EEIG1: variants seen among roughly 807,000 people sequenced by gnomAD.
The protein encoded by EEIG1 is early estrogen-induced gene 1 protein.
chr9:127,963,909 G>A, the EEIG1 span, among the ~76,000 whole-genome samples: 1 of 152,234 alleles, frequency 6.6e-6, no homozygotes, highest in Non-Finnish European at 1.5e-5. Flanking sequence ...GGAGCTACAA[G>A]GGCGGTGAAC....
chr9:127,967,432 T>C, the EEIG1 span, among the ~76,000 whole-genome samples: 1 of 152,216 alleles, frequency 6.6e-6, no homozygotes. Context: ...CAAGGTCTAC[T>C]GGCCGGGAGA....
chr9:127,978,438 G>A, the EEIG1 span, among the ~76,000 whole-genome samples: 4 of 152,304 alleles, frequency 2.6e-5, no homozygotes, highest in South Asian at 8.3e-4. Flanking sequence ...CCCACAAGGA[G>A]GCCCAGGGAG....
chr9:127,969,224 C>T, the EEIG1 span, among the ~76,000 whole-genome samples: 1 of 152,226 alleles, frequency 6.6e-6, no homozygotes, highest in Admixed American at 6.5e-5. Context: ...CAGCACTCCT[C>T]TGAGAGACGA....
chr9:127,979,254 T>C, the EEIG1 span, among the ~76,000 whole-genome samples: 1 of 152,128 alleles, frequency 6.6e-6, no homozygotes, highest in East Asian at 1.9e-4. Context: ...CTCCCATCTG[T>C]AGAAGTCCAA....
chr9:127,943,512 C>A, the EEIG1 span: 1 of 494,004 alleles, frequency 2.0e-6, no homozygotes, highest in Admixed American at 3.4e-5. Context: ...GTCACTGCAT[C>A]CTGCCCCACT....
chr9:127,951,016 G>A, the EEIG1 span, among the ~76,000 whole-genome samples: 10 of 152,312 alleles, frequency 6.6e-5, no homozygotes, highest in Non-Finnish European at 8.8e-5. Flanking sequence ...CAGGGAAGGC[G>A]CCCTGGTAGA....
chr9:127,959,511 C>A, the EEIG1 span, among the ~76,000 whole-genome samples: 1 of 152,132 alleles, frequency 6.6e-6, no homozygotes, highest in African/African-American at 2.4e-5. Flanking sequence ...GCTCTGTGTC[C>A]TCACCCAAAT....
the EEIG1 span, among the ~76,000 whole-genome samples, chr9:127,956,654 G>GC: frequency 7.9e-5 from 12 of 151,874 alleles, no homozygotes; most frequent in African/African-American, 1.2e-4. Flanking sequence ...CAGGTGATCT[G>GC]CCCCCCTTGG....
chr9:127,974,444 T>C, the EEIG1 span, among the ~76,000 whole-genome samples: 1 of 152,170 alleles, frequency 6.6e-6, no homozygotes. Context: ...GGCCAGGGGC[T>C]TCTATGCCAA....
chr9:127,961,008 C>T, the EEIG1 span, among the ~76,000 whole-genome samples: 1 of 152,152 alleles, frequency 6.6e-6, no homozygotes, highest in African/African-American at 2.4e-5. Flanking sequence ...GCAGCGGCCA[C>T]CTCCTGAGGG....
chr9:127,948,029 G>C, the EEIG1 span: 2 of 1,581,900 alleles, frequency 1.3e-6, no homozygotes, highest in South Asian at 1.1e-5. Context: ...TAAACCCCTC[G>C]GGCCGCTAGC....
chr9:127,975,288 G>A, the EEIG1 span, among the ~76,000 whole-genome samples: 1 of 152,200 alleles, frequency 6.6e-6, no homozygotes, highest in African/African-American at 2.4e-5. Context: ...CCGTGCCATG[G>A]AAGGCAGGCA....
At chr9:127,954,651 T>C in the EEIG1 span, among the ~76,000 whole-genome samples, 1 of 151,962 alleles carries the variant, frequency 6.6e-6, no homozygotes, top group Admixed American at 6.6e-5. Flanking sequence ...ATCAGCTCAA[T>C]CCCCAGTCAA....
the EEIG1 span, among the ~76,000 whole-genome samples, chr9:127,975,463 C>G: frequency 6.6e-6 from 1 of 152,128 alleles, no homozygotes; most frequent in Admixed American, 6.5e-5. Flanking sequence ...CACAAGAGGA[C>G]CCCAGAAGGA....
chr9:127,979,197 A>G, the EEIG1 span, among the ~76,000 whole-genome samples: 3 of 152,142 alleles, frequency 2.0e-5, no homozygotes, highest in Non-Finnish European at 4.4e-5. Context: ...TATTAGGCTC[A>G]CTTTCCAGAA....
chr9:127,966,200 G>C, the EEIG1 span, among the ~76,000 whole-genome samples: 1 of 152,172 alleles, frequency 6.6e-6, no homozygotes, highest in Non-Finnish European at 1.5e-5. Context: ...AGGTCATCCA[G>C]GCTTGCTGGG....
the EEIG1 span, chr9:127,953,136 A>C: frequency 0.053 from 8,590 of 162,030 alleles, 320 homozygotes; most frequent in South Asian, 0.09. Flanking sequence ...TCTCCAGAGG[A>C]AAAAAAAAAT....
At chr9:127,980,202 C>A in the EEIG1 span, 22 of 1,507,472 alleles carry the variant, frequency 1.5e-5, no homozygotes, top group Admixed American at 3.7e-5. Context: ...GGATTCCTTT[C>A]CCTACACCAC....
At chr9:127,943,745 G>A in the EEIG1 span, 1 of 162,082 alleles carries the variant, frequency 6.2e-6, no homozygotes, top group Non-Finnish European at 1.4e-5. Flanking sequence ...CCAGGGAGGG[G>A]TGTGTTTACA....
Sources: gnomAD v4.1 joint callset for allele counts (sites outside exome capture counted in the v4.1 genomes callset) on GRCh38, gnomAD v4.1.1 for gene constraint, MANE v1.5 for transcripts, NCBI Gene and HGNC (gene_info 2026-07-23, HGNC 2026-07-21) for gene names.